Variants in ADAMTS17 observed in about 807,000 individuals in gnomAD.
The protein encoded by ADAMTS17 is ADAM metallopeptidase with thrombospondin type 1 motif 17.
ADAMTS17 carries 113 observed loss-of-function variants against 141.5 expected under a neutral mutation model. The ratio of observed to expected loss-of-function variants is 0.80; its 90% confidence interval spans 0.69 to 0.93. ADAMTS17 has a LOEUF of 0.93. Ranked by LOEUF, ADAMTS17 falls within the 40% of genes least tolerant of loss-of-function variation. The pLI is 0.00. For synonymous variants in ADAMTS17, 768 were observed against 630.6 expected (o/e 1.22, Z -3.27); for missense variants, 1,659 against 1,517.9 (o/e 1.09, Z -1.54).
intron 3 of ADAMTS17, among the ~76,000 whole-genome samples, chr15:100,290,709 A>T (rs977283661): frequency 3.3e-5 from 5 of 152,304 alleles, no homozygotes; most frequent in Admixed American, 6.5e-5. Context: ...CTGCACACCT[A>T]CAACTACCTG....
At chr15:100,180,943 G>A (rs2040502457) in intron 8 of ADAMTS17, among the ~76,000 whole-genome samples, 1 of 152,190 alleles carries the variant, frequency 6.6e-6, no homozygotes, top group Non-Finnish European at 1.5e-5. Flanking sequence ...CAGAGACACT[G>A]TCCAAGAGCC....
At chr15:100,331,595 C>T (rs754396682) in intron 2 of ADAMTS17, among the ~76,000 whole-genome samples, 6 of 152,234 alleles carry the variant, frequency 3.9e-5, no homozygotes, top group South Asian at 2.1e-4. Context: ...TCAAGGAAAT[C>T]GAACCCAGGC....
chr15:100,210,595 A>G (rs2141713133), intron 7 of ADAMTS17, among the ~76,000 whole-genome samples: 1 of 152,336 alleles, frequency 6.6e-6, no homozygotes, highest in South Asian at 2.1e-4. Context: ...CCACAGAAGG[A>G]TTTCAACTGC....
At chr15:100,112,832 G>C (rs1470639964) in intron 13 of ADAMTS17, among the ~76,000 whole-genome samples, 1 of 152,108 alleles carries the variant, frequency 6.6e-6, no homozygotes, top group African/African-American at 2.4e-5. Flanking sequence ...AGGCAGGGCA[G>C]GGAAGATGGG....
At chr15:100,208,451 ACT>A (rs1373759478) in intron 7 of ADAMTS17, among the ~76,000 whole-genome samples, 6 of 152,026 alleles carry the variant, frequency 3.9e-5, no homozygotes, top group Non-Finnish European at 5.9e-5. Flanking sequence ...GGGCTGATAG[ACT>A]CTACTGTTTG....
intron 3 of ADAMTS17, among the ~76,000 whole-genome samples, chr15:100,307,579 A>G (rs1174973342): frequency 6.6e-6 from 1 of 152,206 alleles, no homozygotes; most frequent in African/African-American, 2.4e-5. Flanking sequence ...CTTGAGATGG[A>G]GAGAGGGCTA....
At chr15:100,096,280 G>A (rs2035750911) in intron 15 of ADAMTS17, 76 bp downstream of exon 15, 27 of 1,602,080 alleles carry the variant, frequency 1.7e-5, no homozygotes, top group Middle Eastern at 2.1e-4. Context: ...GAAATGTAGG[G>A]AAGACTGCAA....
chr15:100,247,281 T>G (rs896397888), intron 7 of ADAMTS17, among the ~76,000 whole-genome samples: 1 of 152,096 alleles, frequency 6.6e-6, no homozygotes. Flanking sequence ...AACAAACAGA[T>G]AGGAGAGCCC....
intron 15 of ADAMTS17, among the ~76,000 whole-genome samples, chr15:100,082,841 T>C (rs553923847): frequency 6.7e-6 from 1 of 149,970 alleles, no homozygotes; most frequent in Non-Finnish European, 1.5e-5. Flanking sequence ...ACCAGGAGGC[T>C]GCAGCTGGGT....
chr15:100,243,574 G>A (rs947403853), intron 7 of ADAMTS17, among the ~76,000 whole-genome samples: 2 of 152,160 alleles, frequency 1.3e-5, no homozygotes, highest in African/African-American at 4.8e-5. Context: ...TGGATCACCT[G>A]AGGTCAGGAG....
Position 99,971,990 on chromosome 15 carries a change from TC to T in ADAMTS17, c.*2411del, listed in dbSNP as rs1338150021. ...TAAAAGGCCGGGCGCGGTGGCTCAC[TC>T]CTGTAATCCCAGCACTTTGGAAGGC... On this transcript the variant is annotated 3_prime_UTR_variant, in exon 22 of 22. Coordinates refer to ENST00000268070, the MANE Select transcript of ADAMTS17 (RefSeq NM_139057.4). 2 of 152,090 alleles carry T rather than the reference TC, an allele frequency of 1.3e-5. No homozygotes were observed. The highest frequency in any genetic ancestry group is 2.9e-5 in the Non-Finnish European group (2 of 68,000). The allele number at this position is 152,090 out of a possible 1,614,324, so 9.4% of individuals were successfully genotyped here.
chr15:100,198,733 A>G (rs939848392), intron 8 of ADAMTS17, among the ~76,000 whole-genome samples: 1 of 151,828 alleles, frequency 6.6e-6, no homozygotes, highest in African/African-American at 2.4e-5. Flanking sequence ...CCACTCAACA[A>G]CCCCTCTGAC....
chr15:100,152,372 TGTGTAG>T, intron 10 of ADAMTS17, among the ~76,000 whole-genome samples: 1 of 151,714 alleles, frequency 6.6e-6, no homozygotes, highest in African/African-American at 2.4e-5. Flanking sequence ...TGCAACTGCA[TGTGTAG>T]GTGTGTATGT....
In ADAMTS17 at chr15:100,054,031, A is replaced by G; in HGVS notation, c.2161T>C (p.Ser721Pro). 3 of 1,614,014 alleles carry G rather than the reference A, an allele frequency of 1.9e-6. No individual in the cohort carries two copies. Among genetic ancestry groups the G allele is most frequent in the Non-Finnish European group, 2.5e-6 (3 of 1,179,984 alleles). The change falls in exon 16 of 22, where the codon TCC becomes CCC. Residue 721 changes from serine to proline, a missense_variant. Coordinates refer to ENST00000268070, the MANE Select transcript of ADAMTS17 (RefSeq NM_139057.4). ...TCTATCTTCCAGTCACTGTTGATGG[A>G]CCCCTTACCCGAGTCTTTGAGAGCT... ...GTALKDSGKG[S>P]INSDWKIELP...
intron 7 of ADAMTS17, among the ~76,000 whole-genome samples, chr15:100,249,370 C>A (rs2043082209): frequency 1.3e-5 from 2 of 152,346 alleles, no homozygotes; most frequent in Admixed American, 6.5e-5. Flanking sequence ...GCACAGTGAT[C>A]CCCTTTGGGA....
At chr15:100,286,548 G>C (rs950284322) in intron 3 of ADAMTS17, among the ~76,000 whole-genome samples, 4 of 152,174 alleles carry the variant, frequency 2.6e-5, no homozygotes, top group African/African-American at 9.7e-5. Flanking sequence ...AAAGCACAGA[G>C]CCCATGGGTG....
At chr15:100,229,500 C>T (rs865891295) in intron 7 of ADAMTS17, among the ~76,000 whole-genome samples, 1 of 152,166 alleles carries the variant, frequency 6.6e-6, no homozygotes, top group Non-Finnish European at 1.5e-5. Flanking sequence ...GCCTGTTGAC[C>T]TGGATGCTCA....
chr15:100,017,812 C>G (rs893606109), intron 18 of ADAMTS17, among the ~76,000 whole-genome samples: 14 of 152,160 alleles, frequency 9.2e-5, no homozygotes, highest in Non-Finnish European at 1.9e-4. Flanking sequence ...AGATTATCAC[C>G]ATCATCACAC....
intron 7 of ADAMTS17, among the ~76,000 whole-genome samples, chr15:100,201,209 T>C (rs1596260574): frequency 6.6e-6 from 1 of 152,088 alleles, no homozygotes; most frequent in East Asian, 1.9e-4. Flanking sequence ...TCCCCATGTG[T>C]CAGGGAGGGA....
Sources: allele counts gnomAD v4.1 joint callset (sites outside exome capture counted in the v4.1 genomes callset), GRCh38; gene constraint gnomAD v4.1.1; transcripts MANE v1.5; gene names NCBI Gene and HGNC (gene_info 2026-07-23, HGNC 2026-07-21).